PLEKHG4B: variants seen among roughly 807,000 people sequenced by gnomAD.
The protein encoded by PLEKHG4B is pleckstrin homology and RhoGEF domain containing G4B.
In PLEKHG4B, 111 loss-of-function variants were observed where a neutral mutation model predicts 121.3. The observed-to-expected ratio is 0.92, with a 90% CI of 0.78 to 1.07. PLEKHG4B has a LOEUF of 1.07. Among genes scored for constraint, PLEKHG4B ranks in the 50% least tolerant of loss-of-function variants. The pLI, the probability that PLEKHG4B is intolerant of heterozygous loss-of-function variation, is 0.00. For synonymous variants in PLEKHG4B, 738 were observed against 725.0 expected (o/e 1.02, Z -0.29); for missense variants, 1,831 against 1,757.8 (o/e 1.04, Z -0.74).
intron 1 of PLEKHG4B, among the ~76,000 whole-genome samples, chr5:105,401 A>G (rs1733947985): frequency 6.6e-6 from 1 of 152,244 alleles, no homozygotes; most frequent in Non-Finnish European, 1.5e-5. Context: ...TGGAATCTGA[A>G]GGTGTTTGAA....
intron 1 of PLEKHG4B, among the ~76,000 whole-genome samples, chr5:102,143 A>G (rs957753146): frequency 3.3e-5 from 5 of 151,610 alleles, no homozygotes; most frequent in African/African-American, 1.2e-4. Flanking sequence ...CCCTGGAAAA[A>G]GCCTGTAGGG....
chr5:118,680 A>G (rs940137314), intron 2 of PLEKHG4B, among the ~76,000 whole-genome samples: 1 of 152,206 alleles, frequency 6.6e-6, no homozygotes, highest in East Asian at 1.9e-4. Context: ...AATAGCATCC[A>G]GAATGGTGAA....
At chr5:121,556 A>G (rs374164708) in intron 2 of PLEKHG4B, among the ~76,000 whole-genome samples, 2 of 152,142 alleles carry the variant, frequency 1.3e-5, no homozygotes, top group Non-Finnish European at 2.9e-5. Flanking sequence ...ATTTTTTTCA[A>G]TTTGTTTAAA....
chr5:145,208 C>T (rs574304036), intron 6 of PLEKHG4B, among the ~76,000 whole-genome samples: 2 of 152,354 alleles, frequency 1.3e-5, no homozygotes, highest in South Asian at 4.1e-4. Flanking sequence ...AATGCAAAGC[C>T]AGCCAGGCCC....
intron 1 of PLEKHG4B, among the ~76,000 whole-genome samples, chr5:107,084 A>T (rs1733996126): frequency 6.6e-6 from 1 of 152,024 alleles, no homozygotes; most frequent in Non-Finnish European, 1.5e-5. Flanking sequence ...ATGTAGACCC[A>T]CCTCTCTCGG....
chr5:155,129 G>A (rs1735730838), intron 8 of PLEKHG4B, 138 bp downstream of exon 8: 3 of 893,572 alleles, frequency 3.4e-6, no homozygotes, highest in East Asian at 4.9e-5. Flanking sequence ...AGGTCTTCGT[G>A]TCTACACAAC....
In PLEKHG4B at chr5:183,714, G is replaced by C. The variant is rs1157079961; in HGVS notation, c.*1391G>C. ...ATCACGCCACTGCACTCCAGCCTGG[G>C]CGACAGAGCAAGACTCTGTCTCACA... On this transcript the variant is annotated 3_prime_UTR_variant, in exon 20 of 20. Transcript: ENST00000637938. 1 of 152,262 alleles carries C rather than the reference G, an allele frequency of 6.6e-6. No homozygotes were observed. The highest frequency in any genetic ancestry group is 1.5e-5 in the Non-Finnish European group (1 of 68,088). 9.4% of individuals were successfully genotyped at this position (152,262 alleles called of 1,614,324 possible).
intron 2 of PLEKHG4B, among the ~76,000 whole-genome samples, chr5:117,757 G>T (rs1734346116): frequency 6.6e-6 from 1 of 152,206 alleles, no homozygotes; most frequent in Non-Finnish European, 1.5e-5. Context: ...GGAGGCTGAG[G>T]CAGGAGAATC....
chr5:148,354 A>G (rs549094535), intron 6 of PLEKHG4B, among the ~76,000 whole-genome samples: 1 of 151,026 alleles, frequency 6.6e-6, no homozygotes, highest in Non-Finnish European at 1.5e-5. Flanking sequence ...CAAAAAAAAA[A>G]AAATAAATAA....
chr5:127,031 G>A (rs779090690), intron 2 of PLEKHG4B, among the ~76,000 whole-genome samples: 37 of 152,216 alleles, frequency 2.4e-4, no homozygotes, highest in Non-Finnish European at 4.3e-4. Flanking sequence ...CTTGGCCAGC[G>A]CCATCTTGCC....
At chr5:123,001 G>GA (rs35501588) in intron 2 of PLEKHG4B, among the ~76,000 whole-genome samples, 2 of 151,542 alleles carry the variant, frequency 1.3e-5, no homozygotes, top group South Asian at 2.1e-4. Context: ...AGAACAATTG[G>GA]AAAAAAAATC....
At chr5:104,214 C>G (rs1185848767) in intron 1 of PLEKHG4B, among the ~76,000 whole-genome samples, 2 of 148,298 alleles carry the variant, frequency 1.3e-5, no homozygotes, top group African/African-American at 5.1e-5. Context: ...GTCCCAGCAC[C>G]GATTCCTAAA....
intron 17 of PLEKHG4B, among the ~76,000 whole-genome samples, chr5:173,577 A>G (rs1269020873): frequency 1.3e-5 from 2 of 151,848 alleles, no homozygotes; most frequent in Admixed American, 1.3e-4. Flanking sequence ...TTCACATTCA[A>G]GCACTCTCCC....
intron 1 of PLEKHG4B, among the ~76,000 whole-genome samples, chr5:102,676 A>G (rs1733857463): frequency 1.3e-5 from 2 of 152,230 alleles, no homozygotes; most frequent in South Asian, 4.1e-4. Context: ...TGGCCTGCAG[A>G]ACGCTGAGCC....
chr5:181,780 A>G, intron 19 of PLEKHG4B, 105 bp downstream of exon 19: 1 of 1,465,148 alleles, frequency 6.8e-7, no homozygotes, highest in East Asian at 2.3e-5. Flanking sequence ...TCGCCCACAG[A>G]GTGCACCAGG....
At chr5:174,282 G>T in intron 18 of PLEKHG4B, among the ~76,000 whole-genome samples, 184 bp downstream of exon 18, 1 of 135,184 alleles carries the variant, frequency 7.4e-6, no homozygotes, top group Non-Finnish European at 1.6e-5. Context: ...AATGGGGGCT[G>T]GGGCTGGGGT....
rs376149797 is a variant in PLEKHG4B at position 165,643 on chromosome 5, T to G, written c.3476+2095T>G. 2.9e-3 allele frequency among the ~76,000 whole-genome samples: 42 copies of G among 14,672 alleles called. 1 individual carries two copies. Among genetic ancestry groups the G allele is most frequent in the African/African-American group, 4.6e-3 (18 of 3,884 alleles). The allele number at this position is 14,672 out of a possible 152,430, so 9.6% of individuals were successfully genotyped here. On this transcript the variant is annotated intron_variant, in intron 13 of 19. Coordinates refer to ENST00000637938, the MANE Select transcript of PLEKHG4B (RefSeq NM_052909.5). The stretch of plus-strand genomic sequence containing the variant: ...CGGAGCTCACACTAATGCTCTGATG[T>G]GGCGGAGCTCACACTAATGCTCTGA...
At chr5:97,469 C>T (rs976531582) in intron 1 of PLEKHG4B, among the ~76,000 whole-genome samples, 7 of 152,252 alleles carry the variant, frequency 4.6e-5, no homozygotes, top group Non-Finnish European at 1.0e-4. Context: ...CCGTCCTCCC[C>T]AGCCCCAGGC....
chr5:127,505 T>A (rs1009355599), intron 2 of PLEKHG4B, among the ~76,000 whole-genome samples: 3 of 151,914 alleles, frequency 2.0e-5, no homozygotes, highest in Admixed American at 6.6e-5. Context: ...TACATTTTTT[T>A]AAAATGTCCT....
Sources: gnomAD v4.1 joint callset for allele counts (sites outside exome capture counted in the v4.1 genomes callset) on GRCh38, gnomAD v4.1.1 for gene constraint, MANE v1.5 for transcripts, NCBI Gene and HGNC (gene_info 2026-07-23, HGNC 2026-07-21) for gene names.